NAALADL2: variants seen among roughly 807,000 people sequenced by gnomAD.
The protein encoded by NAALADL2 is N-acetylated alpha-linked acidic dipeptidase like 2, also known as inactive N-acetylated-alpha-linked acidic dipeptidase-like protein 2.
Under a neutral mutation model 87.2 loss-of-function variants are expected in NAALADL2, and 76 were observed. The observed-to-expected ratio is 0.87, with a 90% CI of 0.72 to 1.05. The LOEUF (loss-of-function observed/expected upper bound fraction) is 1.05. Among genes scored for constraint, NAALADL2 ranks in the 50% least tolerant of loss-of-function variants. NAALADL2 has a pLI of 0.00. For missense variants in NAALADL2, 1,089 were observed against 945.8 expected (o/e 1.15, Z -1.99); for synonymous variants, 354 against 331.0 (o/e 1.07, Z -0.75).
chr3:175,668,965 G>A (rs1433375732), intron 11 of NAALADL2, among the ~76,000 whole-genome samples: 5 of 152,068 alleles, frequency 3.3e-5, no homozygotes, highest in African/African-American at 1.2e-4. Flanking sequence ...TCTATTCATT[G>A]TTTTTGGTGG....
intron 10 of NAALADL2, among the ~76,000 whole-genome samples, chr3:175,609,165 G>T (rs910127049): frequency 1.3e-5 from 2 of 151,962 alleles, no homozygotes; most frequent in Admixed American, 1.3e-4. Flanking sequence ...GGCCCACATA[G>T]AGATTGAACA....
chr3:174,473,577 T>C (rs1717038326), intron 1 of NAALADL2, among the ~76,000 whole-genome samples: 1 of 152,202 alleles, frequency 6.6e-6, no homozygotes, highest in Admixed American at 6.6e-5. Flanking sequence ...AGATATAATA[T>C]GCCTAAACAT....
chr3:174,630,654 A>G (rs1460080685), intron 2 of NAALADL2, among the ~76,000 whole-genome samples: 1 of 152,208 alleles, frequency 6.6e-6, no homozygotes, highest in Non-Finnish European at 1.5e-5. Flanking sequence ...GGAGTGGGAA[A>G]GGGTTATAAA....
At chr3:175,581,100 T>C (rs867055664) in intron 10 of NAALADL2, 2 of 317,746 alleles carry the variant, frequency 6.3e-6, no homozygotes, top group South Asian at 2.7e-5. Context: ...GACAAAAATA[T>C]AAATGAGAAG....
intron 5 of NAALADL2, among the ~76,000 whole-genome samples, chr3:175,410,205 T>C (rs531189239): frequency 4.1e-4 from 63 of 152,264 alleles, no homozygotes; most frequent in Non-Finnish European, 7.4e-4. Flanking sequence ...CTTTGGGAAA[T>C]GGGCTTGGGG....
intron 9 of NAALADL2, among the ~76,000 whole-genome samples, chr3:175,511,696 G>A (rs981014201): frequency 2.0e-5 from 3 of 152,160 alleles, no homozygotes; most frequent in Non-Finnish European, 4.4e-5. Flanking sequence ...ACTAATGTGT[G>A]GAAAGATTTA....
intron 3 of NAALADL2, among the ~76,000 whole-genome samples, chr3:174,786,947 CATG>C (rs1329730253): frequency 4.6e-5 from 7 of 151,884 alleles, no homozygotes; most frequent in Non-Finnish European, 1.0e-4. Flanking sequence ...GTGATTGTTA[CATG>C]ATGTACAAAA....
chr3:174,622,667 T>TA (rs1394345054), intron 2 of NAALADL2, among the ~76,000 whole-genome samples: 23 of 152,312 alleles, frequency 1.5e-4, no homozygotes, highest in Non-Finnish European at 2.9e-4. Flanking sequence ...AAATGTTATT[T>TA]AAAAAACCAA....
intron 12 of NAALADL2, among the ~76,000 whole-genome samples, chr3:175,737,714 GT>G (rs71164650): frequency 0.063 from 3,401 of 54,344 alleles, 48 homozygotes; most frequent in African/African-American, 0.075. Context: ...CAATGATCCA[GT>G]TTTTTTTTTT....
chr3:175,069,343 C>T (rs11711486), intron 1 of NAALADL2, among the ~76,000 whole-genome samples: 6,882 of 141,356 alleles, frequency 0.049, 508 homozygotes, highest in African/African-American at 0.16. Flanking sequence ...CATCAAAAAG[C>T]GGGCAAAGGA....
chr3:174,736,636 G>A (rs1733228769), intron 2 of NAALADL2, among the ~76,000 whole-genome samples: 1 of 152,124 alleles, frequency 6.6e-6, no homozygotes, highest in East Asian at 1.9e-4. Flanking sequence ...TCAGTGGGGA[G>A]GAAGTGCATA....
At chr3:174,589,680 A>G (rs996681462) in intron 2 of NAALADL2, among the ~76,000 whole-genome samples, 1 of 152,210 alleles carries the variant, frequency 6.6e-6, no homozygotes, top group African/African-American at 2.4e-5. Context: ...TGTAGTATTC[A>G]TTAGGTAGGG....
intron 5 of NAALADL2, among the ~76,000 whole-genome samples, chr3:175,379,536 T>G (rs1420413179): frequency 6.6e-6 from 1 of 151,874 alleles, no homozygotes; most frequent in Non-Finnish European, 1.5e-5. Context: ...TTTTGTTTTT[T>G]TTTTTTCCTT....
intron 11 of NAALADL2, among the ~76,000 whole-genome samples, chr3:175,705,880 C>T (rs1190406031): frequency 1.3e-5 from 2 of 152,024 alleles, no homozygotes; most frequent in Non-Finnish European, 2.9e-5. Flanking sequence ...CAAAACAAGG[C>T]CAATCAGTTA....
rs1364098761 is a variant in NAALADL2 at position 175,808,392 on chromosome 3, T to C, written c.*5189T>C. 6.6e-6 allele frequency: 1 copy of C among 151,954 alleles called. No homozygotes were observed. The highest frequency in any genetic ancestry group is 1.5e-5 in the Non-Finnish European group (1 of 67,928). 9.4% of individuals were successfully genotyped at this position (151,954 alleles called of 1,614,324 possible). A position where few individuals can be genotyped will look rare whatever the true frequency, so the allele number is the denominator to read the frequency against. On this transcript the variant is annotated 3_prime_UTR_variant, in exon 14 of 14. Coordinates refer to ENST00000454872, the MANE Select transcript of NAALADL2 (RefSeq NM_207015.3). Reference sequence around the variant, plus strand: ...ATTTTCTGTAACCAAAATGGTAATTTTGATGGATTTTTTAAATGCCAAAAT... The same window carrying C: ...ATTTTCTGTAACCAAAATGGTAATTCTGATGGATTTTTTAAATGCCAAAAT...
At chr3:174,441,720 C>G (rs1188468763) in intron 1 of NAALADL2, among the ~76,000 whole-genome samples, 1 of 132,238 alleles carries the variant, frequency 7.6e-6, no homozygotes. Flanking sequence ...CCCCCACATT[C>G]TTTGCTTTTT....
At chr3:174,618,562 G>C (rs1335209366) in intron 2 of NAALADL2, among the ~76,000 whole-genome samples, 1 of 151,664 alleles carries the variant, frequency 6.6e-6, no homozygotes, top group Non-Finnish European at 1.5e-5. Context: ...ACTCAACCTT[G>C]GATTAATCTA....
intron 3 of NAALADL2, among the ~76,000 whole-genome samples, chr3:174,782,683 A>G (rs985559123): frequency 2.0e-5 from 3 of 152,132 alleles, no homozygotes; most frequent in Non-Finnish European, 4.4e-5. Context: ...GGAAGGCCTC[A>G]GGAAACTTAG....
At chr3:175,667,235 GAAAGAAAAAGAA>G (rs768154077) in intron 11 of NAALADL2, among the ~76,000 whole-genome samples, 2 of 112,548 alleles carry the variant, frequency 1.8e-5, no homozygotes, top group Non-Finnish European at 3.5e-5. Context: ...AAGAAAGAAA[GAAAGAAAAAGAA>G]AGAAAGAAAG....
Sources: gnomAD v4.1 joint callset for allele counts (sites outside exome capture counted in the v4.1 genomes callset) on GRCh38, gnomAD v4.1.1 for gene constraint, MANE v1.5 for transcripts, NCBI Gene and HGNC (gene_info 2026-07-23, HGNC 2026-07-21) for gene names.